The following CDH12 variants were observed in gnomAD, a reference collection of about 807,000 sequenced individuals.
The protein encoded by CDH12 is cadherin 12, also known as cadherin-12.
CDH12 carries 41 observed loss-of-function variants against 74.1 expected under a neutral mutation model. The ratio of observed to expected loss-of-function variants is 0.55; its 90% CI spans 0.43 to 0.72. The LOEUF is 0.72. Ranked by LOEUF, CDH12 falls within the 30% of genes least tolerant of loss-of-function variation. CDH12 has a pLI of 0.00. For synonymous variants in CDH12, 399 were observed against 355.0 expected (o/e 1.12, Z -1.39); for missense variants, 945 against 977.2 (o/e 0.97, Z 0.44).
chr5:22,546,468 G>A (rs1292969645), intron 1 of CDH12, among the ~76,000 whole-genome samples: 4 of 152,042 alleles, frequency 2.6e-5, no homozygotes, highest in South Asian at 2.1e-4. Context: ...ACCAATCATC[G>A]ACCTTCCATA....
intron 2 of CDH12, among the ~76,000 whole-genome samples, chr5:22,407,151 C>T (rs1004799496): frequency 1.3e-5 from 2 of 152,020 alleles, no homozygotes; most frequent in Admixed American, 6.6e-5. Context: ...GCAGCCTATT[C>T]ATATTTCCCT....
At chr5:21,938,791 C>A (rs1755195845) in intron 6 of CDH12, among the ~76,000 whole-genome samples, 1 of 140,012 alleles carries the variant, frequency 7.1e-6, no homozygotes, top group South Asian at 2.3e-4. Context: ...CTAATTCTGG[C>A]AAAAGCATTA....
At chr5:21,753,014 T>C (rs901274768) in intron 14 of CDH12, among the ~76,000 whole-genome samples, 3 of 152,236 alleles carry the variant, frequency 2.0e-5, no homozygotes, top group African/African-American at 7.2e-5. Flanking sequence ...CTCTCTTTAT[T>C]CCCAGTTGAT....
intron 4 of CDH12, among the ~76,000 whole-genome samples, chr5:22,206,258 C>T (rs1323691929): frequency 1.3e-5 from 2 of 152,104 alleles, no homozygotes; most frequent in Non-Finnish European, 2.9e-5. Flanking sequence ...GTCAGAAATG[C>T]AGAATCTTGA....
At chr5:22,797,183 TAAAAA>T (rs58951425) in intron 1 of CDH12, among the ~76,000 whole-genome samples, 1,701 of 86,282 alleles carry the variant, frequency 0.02, 34 homozygotes, top group African/African-American at 0.059. Context: ...AGTGCCTTTA[TAAAAA>T]AAAAAAAAAA....
chr5:22,215,920 G>A (rs1367162320), intron 3 of CDH12, among the ~76,000 whole-genome samples: 4 of 152,014 alleles, frequency 2.6e-5, no homozygotes, highest in Non-Finnish European at 5.9e-5. Context: ...GCAAACTAAT[G>A]CAACATTTAA....
chr5:21,997,985 G>A (rs1389358680), intron 5 of CDH12, among the ~76,000 whole-genome samples: 1 of 152,126 alleles, frequency 6.6e-6, no homozygotes, highest in Non-Finnish European at 1.5e-5. Flanking sequence ...AGGAAAACTT[G>A]CTGAAAAGAA....
intron 4 of CDH12, among the ~76,000 whole-genome samples, chr5:22,122,272 A>G (rs1004076019): frequency 8.6e-5 from 13 of 151,970 alleles, no homozygotes; most frequent in African/African-American, 3.1e-4. Context: ...GCATGGCGGC[A>G]CATTCCTGTA....
chr5:22,094,530 AG>A (rs546387868), intron 4 of CDH12, among the ~76,000 whole-genome samples: 1 of 152,152 alleles, frequency 6.6e-6, no homozygotes, highest in South Asian at 2.1e-4. Context: ...TCGTAACAGT[AG>A]GGGGTGGCAT....
intron 1 of CDH12, among the ~76,000 whole-genome samples, chr5:22,622,706 G>A (rs1738041060): frequency 6.6e-6 from 1 of 152,098 alleles, no homozygotes; most frequent in Non-Finnish European, 1.5e-5. Flanking sequence ...AAAAGTCCAG[G>A]ACCAGATGGA....
At chr5:21,780,840 C>T (rs1428162341) in intron 11 of CDH12, among the ~76,000 whole-genome samples, 1 of 151,902 alleles carries the variant, frequency 6.6e-6, no homozygotes, top group African/African-American at 2.4e-5. Flanking sequence ...TTAGCTGTCC[C>T]CAAATTCTGC....
At chr5:22,326,529 C>G (rs1369143097) in intron 3 of CDH12, among the ~76,000 whole-genome samples, 1 of 152,212 alleles carries the variant, frequency 6.6e-6, no homozygotes, top group Non-Finnish European at 1.5e-5. Flanking sequence ...GCCACCGCGC[C>G]CGGCCTCCAG....
chr5:22,314,760 C>G (rs1477507825), intron 3 of CDH12, among the ~76,000 whole-genome samples: 6 of 151,060 alleles, frequency 4.0e-5, no homozygotes, highest in African/African-American at 9.8e-5. Flanking sequence ...AATAGAAATC[C>G]CGAAAACATA....
At chr5:21,963,141 T>C (rs1391999522) in intron 6 of CDH12, among the ~76,000 whole-genome samples, 2 of 152,010 alleles carry the variant, frequency 1.3e-5, no homozygotes, top group Non-Finnish European at 2.9e-5. Context: ...ATGATATAGA[T>C]AGAGATTTAA....
intron 6 of CDH12, among the ~76,000 whole-genome samples, chr5:21,961,066 T>C (rs1292983250): frequency 1.3e-5 from 2 of 151,868 alleles, no homozygotes; most frequent in South Asian, 2.1e-4. Flanking sequence ...TAGTTGATAG[T>C]ATTATTAGAA....
rs371722094 is a variant in CDH12, at chr5:21,927,354, G to C, written c.526+47737C>G. The stretch of plus-strand genomic sequence containing the variant: ...TAATCCTAACACTTTGGGAGGCCCA[G>C]GTCGGCAGATCGCTTGAGCTTGAGT... On this transcript the variant is annotated intron_variant, in intron 6 of 14. Transcript: ENST00000382254. Among the ~76,000 whole-genome samples the C allele has an allele frequency of 2.0e-5, 3 of 152,166 alleles. No homozygotes were observed. The East Asian group carries it at 5.8e-4, about 30-fold the overall frequency.
rs905489837 is a variant in CDH12, at chr5:22,724,244, T to A, written c.-523+128814A>T. Among the ~76,000 whole-genome samples, 18 of 140,918 alleles carry A rather than the reference T, an allele frequency of 1.3e-4. No homozygotes were observed. The South Asian group carries it at 3.3e-3, about 26-fold the overall frequency. The allele number at this position is 140,918 out of a possible 152,430, so 92.4% of individuals were successfully genotyped here. On this transcript the variant is annotated intron_variant, in intron 1 of 14. Coordinates refer to ENST00000382254, the MANE Select transcript of CDH12 (RefSeq NM_004061.5). ...ATTATTTTTAATTTTTAAAATTTTT[T>A]AATTTCAATTGTTTTTGGGGTACAG...
At chr5:22,659,790 T>C (rs6452086) in intron 1 of CDH12, among the ~76,000 whole-genome samples, 103,639 of 151,842 alleles carry the variant, frequency 0.68, 35,538 homozygotes, top group Admixed American at 0.74. Context: ...TTTTATAGAA[T>C]TACTAAAATT....
chr5:21,794,864 C>T (rs1746695424), intron 10 of CDH12, among the ~76,000 whole-genome samples: 1 of 151,208 alleles, frequency 6.6e-6, no homozygotes, highest in South Asian at 2.1e-4. Context: ...ATGTAGAGCC[C>T]AATTTCTCAT....
Sources: gnomAD v4.1 joint callset for allele counts (sites outside exome capture counted in the v4.1 genomes callset) on GRCh38, gnomAD v4.1.1 for gene constraint, MANE v1.5 for transcripts, NCBI Gene and HGNC (gene_info 2026-07-23, HGNC 2026-07-21) for gene names.